Variants in AFF4 observed in about 807,000 individuals in gnomAD.
AFF4 encodes AF4/FMR2 family member 4.
In AFF4, 13 loss-of-function variants were observed where a neutral mutation model predicts 124.8. The ratio of observed to expected loss-of-function variants is 0.10; its 90% CI spans 0.07 to 0.17. The LOEUF is 0.17. AFF4 is among the 10% of genes least tolerant of loss of function. The pLI is 1.00. For synonymous variants in AFF4, 477 were observed against 496.1 expected (o/e 0.96, Z 0.51); for missense variants, 1,092 against 1,403.8 (o/e 0.78, Z 3.55).
intron 5 of AFF4, among the ~76,000 whole-genome samples, chr5:132,918,884 GTTTGT>G (rs1004619879): frequency 1.1e-4 from 15 of 136,158 alleles, no homozygotes; most frequent in African/African-American, 2.8e-4. Context: ...GGTGTTGTTT[GTTTGT>G]TTTTTTTTTT....
intron 5 of AFF4, among the ~76,000 whole-genome samples, chr5:132,917,705 C>CTTTTCTTT (rs1760944246): frequency 8.1e-5 from 6 of 74,026 alleles, no homozygotes; most frequent in Admixed American, 1.8e-4. Flanking sequence ...CTTTTCTTTT[C>CTTTTCTTT]TTTTTTTTTT....
chr5:132,883,550 C>T lies in AFF4; in HGVS notation c.3154G>A (p.Gly1052Arg). The change falls in exon 20 of 21, where the codon GGG becomes AGG. Residue 1052 changes from glycine to arginine, a missense_variant. Gly to Arg is a moderately radical substitution (Grantham distance 125). This residue lies in a region of AFF4 where 173 missense variants were observed against 294.9 expected (regional missense o/e 0.59). Transcript: ENST00000265343. Reference sequence around the variant, plus strand: ...TTTGGAGAAACAGGGGAAGGCATCCCCACAGCTTTGCTACACAACAGAAAT... The same window carrying T: ...TTTGGAGAAACAGGGGAAGGCATCCTCACAGCTTTGCTACACAACAGAAAT... The part of the protein sequence containing the change: ...PSPGLGSKAV[G>R]MPSPVSPKLS... The T allele has an allele frequency of 1.2e-6, 2 of 1,613,502 alleles. No individual in the cohort carries two copies. The highest frequency in any genetic ancestry group is 1.7e-6 in the Non-Finnish European group (2 of 1,180,008).
chr5:132,934,669 A>G lies in AFF4; in HGVS notation c.396T>C (p.Ser132=). ...KRSSGLQSGH[S]SQRTSAGSSS... is the part of the protein sequence containing the mutation. ...TGCTACCTGCGCTGGTCCGCTGGCT[A>G]CTATGTCCACTCTGTAAGCCTGAGG... The change falls in exon 3 of 21, where the codon AGT becomes AGC. Residue 132 remains serine, a synonymous_variant. Transcript: ENST00000265343. The G allele has an allele frequency of 6.2e-7, 1 of 1,614,088 alleles. No homozygotes were observed. Among genetic ancestry groups the G allele is most frequent in the Non-Finnish European group, 8.5e-7 (1 of 1,180,024 alleles).
chr5:132,900,525 A>C (rs1760525419), intron 7 of AFF4, among the ~76,000 whole-genome samples: 1 of 152,112 alleles, frequency 6.6e-6, no homozygotes, highest in Admixed American at 6.5e-5. Context: ...CCATCACTGC[A>C]CTCCAGCCTA....
intron 11 of AFF4, among the ~76,000 whole-genome samples, chr5:132,896,070 G>A (rs1760383894): frequency 1.3e-5 from 2 of 152,204 alleles, no homozygotes; most frequent in African/African-American, 2.4e-5. Context: ...CTCTACACTG[G>A]CCAGCACATG....
At position 132,963,366 on chromosome 5, in the gene AFF4, G is replaced by T; in HGVS notation, c.-112C>A. The T allele has an allele frequency of 2.5e-6, 1 of 397,522 alleles. No individual in the cohort carries two copies. Among genetic ancestry groups the T allele is most frequent in the South Asian group, 1.3e-4 (1 of 7,850 alleles). The allele number at this position is 397,522 out of a possible 1,614,324, so 24.6% of individuals were successfully genotyped here. A position where few individuals can be genotyped will look rare whatever the true frequency, so the allele number is the denominator to read the frequency against. ...CATTCGAGCCCGCCCAGGGGGCGGT[G>T]ACAGGCTGCCAAGGGCGAGGGGCTC... is the stretch of plus-strand genomic sequence containing the variant. On this transcript the variant is annotated 5_prime_UTR_variant, in exon 1 of 21. Coordinates refer to ENST00000265343, the MANE Select transcript of AFF4 (RefSeq NM_014423.4).
In AFF4 at chr5:132,897,108, C is replaced by G. The variant is rs748777628; in HGVS notation, c.1522G>C (p.Glu508Gln). Reference protein sequence around the residue: ...SSQGYKKEGREQGTGNSYTDT... With the variant: ...SSQGYKKEGRQQGTGNSYTDT... The stretch of plus-strand genomic sequence containing the variant: ...GTGTAGCTATTCCCAGTGCCCTGCT[C>G]TCGGCCTTCCTTTTTGTAGCCTTGA... Residue 508 changes from glutamate (E) to glutamine (Q), a missense_variant, in exon 11 of 21, where the codon GAG becomes CAG. Glu to Gln is a conservative substitution (Grantham distance 29). This residue lies in a region of AFF4 where 174 missense variants were observed against 205.9 expected (regional missense o/e 0.84). Transcript: ENST00000265343. 1 of 1,614,198 alleles carries G rather than the reference C, an allele frequency of 6.2e-7. No individual in the cohort carries two copies. Among genetic ancestry groups the G allele is most frequent in the Non-Finnish European group, 8.5e-7 (1 of 1,180,042 alleles).
chr5:132,924,682 T>G (rs1761128017), intron 5 of AFF4, among the ~76,000 whole-genome samples: 1 of 151,764 alleles, frequency 6.6e-6, no homozygotes, highest in Non-Finnish European at 1.5e-5. Context: ...GGTGAAACCC[T>G]GTCTCCACTA....
At position 132,892,222 on chromosome 5, in the gene AFF4, G is replaced by A. The variant is rs1488744821; in HGVS notation, c.2579C>T (p.Ser860Phe). The A allele has an allele frequency of 1.2e-6, 2 of 1,614,066 alleles. No homozygotes were observed. The highest frequency in any genetic ancestry group is 1.1e-5 in the South Asian group (1 of 91,078). Residue 860 changes from serine (S) to phenylalanine (F), a missense_variant, in exon 13 of 21, where the codon TCC becomes TTC. Coordinates refer to ENST00000265343, the MANE Select transcript of AFF4 (RefSeq NM_014423.4). ...ETSGSSKNSS[S>F]TSKQKKTEGK... ...TTCGGTCTTCTTCTGCTTTGATGTG[G>A]AGGAACTGTTTTTGCTGCTGCCACT...
intron 5 of AFF4, among the ~76,000 whole-genome samples, chr5:132,919,605 T>C (rs4705979): frequency 0.36 from 54,826 of 151,990 alleles, 10,386 homozygotes; most frequent in East Asian, 0.59. Flanking sequence ...ACTGTAGCAC[T>C]TTGGGAGGCC....
chr5:132,935,443 T>C (rs1029012773), intron 2 of AFF4, among the ~76,000 whole-genome samples: 4 of 152,144 alleles, frequency 2.6e-5, no homozygotes, highest in Admixed American at 6.5e-5. Flanking sequence ...CTGGCCAACA[T>C]GGTGAAAACC....
Position 132,934,818 on chromosome 5 carries a change from G to C in AFF4, c.247C>G (p.Pro83Ala). The C allele has an allele frequency of 6.2e-7, 1 of 1,614,060 alleles. No individual in the cohort carries two copies. The highest frequency in any genetic ancestry group is 8.5e-7 in the Non-Finnish European group (1 of 1,180,016). Residue 83 changes from proline (P) to alanine (A), a missense_variant, in exon 3 of 21, where the codon CCA (proline) becomes GCA (alanine). By Grantham distance (27) the Pro-to-Ala change is conservative. Coordinates refer to ENST00000265343, the MANE Select transcript of AFF4 (RefSeq NM_014423.4). ...KLVAIPKPTV[P>A]PSADEKSNPN... ...TTAGATTTTTCATCTGCTGATGGTG[G>C]TACTGTAGGCTTGGGAATTGCAACA...
intron 1 of AFF4, among the ~76,000 whole-genome samples, chr5:132,949,209 C>CT (rs368713051): frequency 0.16 from 17,433 of 112,170 alleles, 1,751 homozygotes; most frequent in African/African-American, 0.2. Context: ...TTATTTCTGC[C>CT]TTTTTTTTTT....
intron 1 of AFF4, among the ~76,000 whole-genome samples, chr5:132,960,061 A>C (rs1026620016): frequency 1.3e-5 from 2 of 152,080 alleles, no homozygotes; most frequent in Non-Finnish European, 2.9e-5. Flanking sequence ...GGCCAGTAGG[A>C]GCGCTTTTCT....
At chr5:132,932,113 G>C (rs1581315914) in intron 4 of AFF4, 65 bp downstream of exon 4, 2 of 1,177,208 alleles carry the variant, frequency 1.7e-6, no homozygotes, top group Non-Finnish European at 2.4e-6. Flanking sequence ...GGTAGAAAGA[G>C]GGTAAGAAGG....
intron 20 of AFF4, among the ~76,000 whole-genome samples, chr5:132,881,500 T>C (rs968202808): frequency 2.0e-5 from 3 of 152,256 alleles, no homozygotes; most frequent in Non-Finnish European, 4.4e-5. Flanking sequence ...TTTAATGCCA[T>C]AATGTGCTAC....
At chr5:132,887,808 A>G (rs1176177382) in intron 16 of AFF4, 38 bp downstream of exon 16, 1 of 1,608,040 alleles carries the variant, frequency 6.2e-7, no homozygotes. Flanking sequence ...CAGAGAAATA[A>G]TGTTATTGCC....
At chr5:132,892,521 G>A in intron 12 of AFF4, 117 bp from the exon 13 acceptor site, 4 of 1,377,996 alleles carry the variant, frequency 2.9e-6, no homozygotes, top group Non-Finnish European at 3.9e-6. Context: ...TTGATTACTA[G>A]GACACATGAT....
chr5:132,904,875 C>A (rs935257734), intron 5 of AFF4, among the ~76,000 whole-genome samples: 21 of 151,762 alleles, frequency 1.4e-4, no homozygotes, highest in African/African-American at 5.1e-4. Context: ...ATGGTGAAAC[C>A]CCGTCTCTAC....
Sources: gnomAD v4.1 joint callset for allele counts (sites outside exome capture counted in the v4.1 genomes callset) on GRCh38, gnomAD v4.1.1 for gene constraint, gnomAD v4.1.1 regional missense constraint, MANE v1.5 for transcripts, NCBI Gene and HGNC (gene_info 2026-07-23, HGNC 2026-07-21) for gene names.